The following SCAI variants were observed in gnomAD, a reference collection of about 807,000 sequenced individuals.
SCAI encodes suppressor of cancer cell invasion, also known as protein SCAI.
Under a neutral mutation model 92.2 loss-of-function variants are expected in SCAI, and 24 were observed. The ratio of observed to expected loss-of-function variants is 0.26; its 90% confidence interval spans 0.19 to 0.37. The LOEUF (loss-of-function observed/expected upper bound fraction) is 0.37. Among genes scored for constraint, SCAI ranks in the 10% least tolerant of loss-of-function variants. The pLI is 1.00. For missense variants in SCAI, 450 were observed against 736.2 expected (o/e 0.61, Z 4.50); for synonymous variants, 261 against 258.6 (o/e 1.01, Z -0.09).
chr9:124,957,680 AT>A (rs35804136), intron 17 of SCAI, among the ~76,000 whole-genome samples: 11,912 of 129,362 alleles, frequency 0.092, 1,040 homozygotes, highest in East Asian at 0.29. Flanking sequence ...AAATAATACA[AT>A]TTTTTTTTTT....
At chr9:124,982,008 TA>T (rs1442586140) in intron 14 of SCAI, among the ~76,000 whole-genome samples, 9 of 152,348 alleles carry the variant, frequency 5.9e-5, no homozygotes, top group Middle Eastern at 3.4e-3. Context: ...ATGATTCTAT[TA>T]ATAGCCTATT....
chr9:125,137,678 G>A lies in SCAI; in HGVS notation c.98+4955C>T, dbSNP rs192595967. On this transcript the variant is annotated intron_variant, in intron 2 of 17. Coordinates refer to ENST00000336505, the MANE Select transcript of SCAI (RefSeq NM_001144877.3). ...TGCAGTGGTGCAATCTCAGCTCACC[G>A]CAACCTCCACCTCCCAGGTTCAAGA... Among the ~76,000 whole-genome samples the A allele has an allele frequency of 4.0e-3, 613 of 152,226 alleles. 7 individuals are homozygous for A. The highest frequency in any genetic ancestry group is 0.01 in the Middle Eastern group (3 of 294).
chr9:125,088,349 T>C (rs1000490314), intron 2 of SCAI, among the ~76,000 whole-genome samples: 1 of 152,198 alleles, frequency 6.6e-6, no homozygotes, highest in African/African-American at 2.4e-5. Context: ...GACTGGATCA[T>C]GGGGGCAGAT....
At chr9:125,039,524 A>G (rs2131106047) in intron 3 of SCAI, among the ~76,000 whole-genome samples, 2 of 152,266 alleles carry the variant, frequency 1.3e-5, no homozygotes, top group East Asian at 1.9e-4. Context: ...TTGCTGCATA[A>G]CAAGCCACTT....
rs536497248 is a variant in SCAI at position 124,997,135 on chromosome 9, C to G, written c.1245-2120G>C. Among the ~76,000 whole-genome samples, 246 of 152,244 alleles carry G rather than the reference C, an allele frequency of 1.6e-3. 1 individual carries two copies. The highest frequency in any genetic ancestry group is 5.7e-3 in the African/African-American group (238 of 41,542). Reference sequence around the variant, plus strand: ...GCCATACAGGTTCAGTATTCCTAATCTGAAAATCCAAAACGAAAAATGCTC... The same window carrying G: ...GCCATACAGGTTCAGTATTCCTAATGTGAAAATCCAAAACGAAAAATGCTC... On this transcript the variant is annotated intron_variant, in intron 13 of 17. Transcript: ENST00000336505.
intron 3 of SCAI, among the ~76,000 whole-genome samples, chr9:125,031,632 G>A (rs1248473101): frequency 1.3e-5 from 2 of 152,052 alleles, no homozygotes; most frequent in Non-Finnish European, 1.5e-5. Context: ...TGGGGAATTC[G>A]TATTTTTTCT....
intron 9 of SCAI, among the ~76,000 whole-genome samples, chr9:125,017,826 T>A (rs925976504): frequency 2.0e-5 from 3 of 151,850 alleles, no homozygotes; most frequent in African/African-American, 7.3e-5. Flanking sequence ...CTGGCCAACA[T>A]GATGATGCCA....
At chr9:125,129,904 CT>C (rs1001444563) in intron 2 of SCAI, among the ~76,000 whole-genome samples, 10 of 149,196 alleles carry the variant, frequency 6.7e-5, no homozygotes, top group African/African-American at 2.5e-4. Flanking sequence ...CTTTTCTTTT[CT>C]TTTTTTTTGT....
intron 9 of SCAI, among the ~76,000 whole-genome samples, chr9:125,015,866 T>C (rs1832745967): frequency 1.3e-5 from 2 of 151,994 alleles, no homozygotes; most frequent in South Asian, 2.1e-4. Context: ...AAGGATGAGT[T>C]CATGTCCTTT....
chr9:125,071,033 C>A (rs138475202), intron 2 of SCAI, among the ~76,000 whole-genome samples: 2 of 152,094 alleles, frequency 1.3e-5, no homozygotes, highest in East Asian at 3.9e-4. Flanking sequence ...AAACCCCTTT[C>A]GCTTGGTTCT....
chr9:125,126,388 TGG>T (rs10562845), intron 2 of SCAI, among the ~76,000 whole-genome samples: 39,734 of 140,684 alleles, frequency 0.28, 5,235 homozygotes, highest in East Asian at 0.35. Context: ...CAAAGTGAGT[TGG>T]GGGTGTGTGT....
At chr9:124,955,157 G>A (rs1294280990) in intron 17 of SCAI, among the ~76,000 whole-genome samples, 5 of 142,992 alleles carry the variant, frequency 3.5e-5, no homozygotes, top group South Asian at 2.2e-4. Context: ...GACAGAGCGA[G>A]ACTCCGTCTA....
At chr9:125,024,553 G>T (rs1276201583) in intron 6 of SCAI, among the ~76,000 whole-genome samples, 2 of 152,164 alleles carry the variant, frequency 1.3e-5, no homozygotes, top group Non-Finnish European at 2.9e-5. Flanking sequence ...GGGATTATAG[G>T]TGTGAGCCAC....
At chr9:124,987,330 T>A (rs1026131299) in intron 14 of SCAI, among the ~76,000 whole-genome samples, 7 of 151,726 alleles carry the variant, frequency 4.6e-5, no homozygotes, top group African/African-American at 1.4e-4. Context: ...ATGGCTTTTT[T>A]TTATTATTAT....
chr9:125,113,146 G>T (rs767843719), intron 2 of SCAI, among the ~76,000 whole-genome samples: 1 of 152,172 alleles, frequency 6.6e-6, no homozygotes, highest in Non-Finnish European at 1.5e-5. Context: ...TATGAAAAGC[G>T]TGAATAAAGT....
intron 2 of SCAI, among the ~76,000 whole-genome samples, chr9:125,071,860 T>C (rs1833985207): frequency 6.6e-6 from 1 of 152,198 alleles, no homozygotes; most frequent in African/African-American, 2.4e-5. Context: ...CTGGTATAAT[T>C]AGTCCATACT....
rs547986636 is a variant in SCAI, at chr9:125,133,380, C to T, written c.98+9253G>A. 1.6e-4 allele frequency among the ~76,000 whole-genome samples: 25 copies of T among 152,012 alleles called. 1 individual carries two copies. In the South Asian group the frequency reaches 5.2e-3, roughly 32 times the overall value. The stretch of plus-strand genomic sequence containing the variant: ...CTCCAGCCTGGGTGATAAAGTGAGA[C>T]TTCGTCTCAAAAACAAAAAAAAAAG... On this transcript the variant is annotated intron_variant, in intron 2 of 17. Coordinates refer to ENST00000336505, the MANE Select transcript of SCAI (RefSeq NM_001144877.3).
intron 2 of SCAI, among the ~76,000 whole-genome samples, chr9:125,108,423 T>C (rs1834856349): frequency 1.3e-5 from 2 of 150,980 alleles, no homozygotes; most frequent in African/African-American, 4.9e-5. Flanking sequence ...ATCTAGGAAG[T>C]GAGGAGCGTC....
At chr9:125,003,426 GC>G in intron 10 of SCAI, 42 bp downstream of exon 10, 2 of 1,333,678 alleles carry the variant, frequency 1.5e-6, no homozygotes, top group Non-Finnish European at 2.2e-6. Context: ...GAGAGACGCA[GC>G]CAGAGGGTTA....
Sources: gnomAD v4.1 joint callset for allele counts (sites outside exome capture counted in the v4.1 genomes callset) on GRCh38, gnomAD v4.1.1 for gene constraint, MANE v1.5 for transcripts, NCBI Gene and HGNC (gene_info 2026-07-23, HGNC 2026-07-21) for gene names.